NCAPG2: variants seen among roughly 807,000 people sequenced by gnomAD.
NCAPG2 encodes the protein condensin-2 complex subunit G2.
Under a neutral mutation model 141.1 loss-of-function variants are expected in NCAPG2, and 53 were observed. That is an observed-to-expected ratio of 0.38 (90% confidence interval 0.30 to 0.47). NCAPG2 has a LOEUF of 0.47. Ranked by LOEUF, NCAPG2 falls within the 20% of genes least tolerant of loss-of-function variation. The probability of loss-of-function intolerance (pLI) is 0.99; values close to 1 mark genes in which losing one functional copy is unlikely to be tolerated. For missense variants in NCAPG2, 1,087 were observed against 1,389.0 expected, an observed-to-expected ratio of 0.78 and a Z score of 3.46; for synonymous variants, 499 against 490.7, an observed-to-expected ratio of 1.02 and a Z score of -0.22.
intron 15 of NCAPG2, 55 bp downstream of exon 15, chr7:158,664,129 A>T: frequency 7.6e-7 from 1 of 1,315,322 alleles, no homozygotes; most frequent in Non-Finnish European, 1.1e-6. Flanking sequence ...ATAATGGCCC[A>T]TGGGAGTGAT....
In NCAPG2 at chr7:158,655,223, C is replaced by T. The variant is rs927616879; in HGVS notation, c.2541G>A (p.Leu847=). ...TTTCTAACCAAAAGCCAGTGTCTTC[C>T]AACATGGACAAATACACCTTTCCTT... ...CSEGKVYLSM[L]EDTGFWLESK... Residue 847 remains leucine (L), a synonymous_variant, in exon 21 of 28, where the codon TTG becomes TTA. Coordinates refer to ENST00000356309, the MANE Select transcript of NCAPG2 (RefSeq NM_017760.7). 1.1e-5 allele frequency: 17 copies of T among 1,613,834 alleles called. No homozygotes were observed. In the African/African-American group the frequency reaches 1.9e-4, roughly 18 times the overall value.
At chr7:158,702,793 A>C (rs1244232356) in intron 1 of NCAPG2, among the ~76,000 whole-genome samples, 1 of 152,180 alleles carries the variant, frequency 6.6e-6, no homozygotes, top group East Asian at 1.9e-4. Flanking sequence ...AAATTGAACA[A>C]AGCAAAAATA....
At chr7:158,688,593 C>T (rs1230864174) in intron 6 of NCAPG2, among the ~76,000 whole-genome samples, 1 of 152,222 alleles carries the variant, frequency 6.6e-6, no homozygotes, top group Non-Finnish European at 1.5e-5. Flanking sequence ...AAGGGCAGCC[C>T]TCCCCAGGGG....
At chr7:158,660,990 G>A (rs9769021) in intron 16 of NCAPG2, among the ~76,000 whole-genome samples, 4,155 of 152,214 alleles carry the variant, frequency 0.027, 179 homozygotes, top group African/African-American at 0.094. Context: ...TCATGACTGT[G>A]AGGCTTCCCC....
In NCAPG2 at chr7:158,671,535, G is replaced by A. The variant is rs1296042465; in HGVS notation, c.1458C>T (p.Ile486=). The change falls in exon 13 of 28, where the codon ATC becomes ATT. Residue 486 remains isoleucine (I), a synonymous_variant. Transcript: ENST00000356309. ...CTACCTTAGCAGCCCTCACAGCTTT[G>A]ATCTTCAACAGCATGTCCACAAAAG... ...RVAFVDMLLK[I]KAVRAAKFWK... is the part of the protein sequence containing the mutation. The A allele has an allele frequency of 6.2e-7, 1 of 1,614,158 alleles. No homozygotes were observed. Among genetic ancestry groups the A allele is most frequent in the Admixed American group, 1.7e-5 (1 of 60,020 alleles).
At chr7:158,685,091 CA>C (rs1265792945) in intron 8 of NCAPG2, among the ~76,000 whole-genome samples, 1 of 152,062 alleles carries the variant, frequency 6.6e-6, no homozygotes, top group Non-Finnish European at 1.5e-5. Flanking sequence ...ATTTTATTCT[CA>C]GAGAAAAATA....
rs1194423302 is a variant in NCAPG2, at chr7:158,654,713, G to C, written c.2647-19C>G. On this transcript the variant is annotated intron_variant, in intron 21 of 27. Transcript: ENST00000356309. ...GGTAGGTCTGTAAGAGACAGACACA[G>C]CTTAGCAACAAAGGCCATTTTTAAA... The C allele has an allele frequency of 1.9e-6, 3 of 1,602,270 alleles. No individual in the cohort carries two copies. The highest frequency in any genetic ancestry group is 2.7e-5 in the African/African-American group (2 of 74,338).
rs1829905523 is a variant in NCAPG2, at chr7:158,631,773, A to T, written c.3381-56T>A. On this transcript the variant is annotated intron_variant, in intron 27 of 27. Transcript: ENST00000356309. Reference sequence around the variant, plus strand: ...CAGAAAAAAGTGACCAAATTATCCAAATGTACATTTTCAAAAATATAATCT... The same window carrying T: ...CAGAAAAAAGTGACCAAATTATCCATATGTACATTTTCAAAAATATAATCT... 2.2e-6 allele frequency: 3 copies of T among 1,352,018 alleles called. No individual in the cohort carries two copies. In the Admixed American group the frequency reaches 5.8e-5, roughly 26 times the overall value. 83.8% of individuals were successfully genotyped at this position (1,352,018 alleles called of 1,614,324 possible).
chr7:158,684,211 T>C (rs1389476455), intron 8 of NCAPG2, among the ~76,000 whole-genome samples: 2 of 152,236 alleles, frequency 1.3e-5, no homozygotes, highest in Non-Finnish European at 2.9e-5. Flanking sequence ...AAAGATGAGA[T>C]ACACAGCACT....
At chr7:158,655,847 G>C (rs564229707) in intron 19 of NCAPG2, among the ~76,000 whole-genome samples, 1 of 89,546 alleles carries the variant, frequency 1.1e-5, no homozygotes, top group Non-Finnish European at 2.4e-5. Flanking sequence ...AAGAGATGAC[G>C]GCCTCCGTGG....
At position 158,667,272 on chromosome 7, in the gene NCAPG2, G is replaced by A. The variant is rs541208598; in HGVS notation, c.1480-2522C>T. 2.1e-5 allele frequency: 20 copies of A among 961,680 alleles called. No individual in the cohort carries two copies. In the East Asian group the frequency reaches 5.8e-4, roughly 28 times the overall value. 59.6% of individuals were successfully genotyped at this position (961,680 alleles called of 1,614,324 possible). ...TGGGCCAGAGACCCTGTGTCCCTCC[G>A]CCTCCCTCAGAGACCCTGTGTCCCT... is the stretch of plus-strand genomic sequence containing the variant. On this transcript the variant is annotated intron_variant, in intron 13 of 27. Coordinates refer to ENST00000356309, the MANE Select transcript of NCAPG2 (RefSeq NM_017760.7).
chr7:158,675,703 C>T (rs760349162), intron 11 of NCAPG2, 47 bp from the exon 12 acceptor site: 6 of 1,569,396 alleles, frequency 3.8e-6, no homozygotes, highest in Middle Eastern at 1.7e-4. Context: ...ACTTATTTCC[C>T]GAAATCCACA....
chr7:158,636,221 G>A (rs1365914053), intron 27 of NCAPG2, among the ~76,000 whole-genome samples: 1 of 151,928 alleles, frequency 6.6e-6, no homozygotes. Flanking sequence ...GAATTTCTCA[G>A]GTCTTTTCTT....
intron 23 of NCAPG2, among the ~76,000 whole-genome samples, chr7:158,651,176 G>C (rs1414089531): frequency 6.6e-6 from 1 of 152,096 alleles, no homozygotes; most frequent in East Asian, 1.9e-4. Context: ...GAAGATGATA[G>C]ACGGGACCAA....
chr7:158,644,778 C>A (rs911798999), intron 26 of NCAPG2, among the ~76,000 whole-genome samples: 1 of 152,178 alleles, frequency 6.6e-6, no homozygotes, highest in Non-Finnish European at 1.5e-5. Flanking sequence ...GATCTCAATG[C>A]AGGGGAGTCC....
chr7:158,697,532 C>T (rs1418903757), intron 2 of NCAPG2, among the ~76,000 whole-genome samples: 3 of 150,872 alleles, frequency 2.0e-5, no homozygotes, highest in East Asian at 1.9e-4. Context: ...ACCCGGGAGG[C>T]GGAGGTTGCA....
At chr7:158,653,375 A>AT (rs1327817550) in intron 22 of NCAPG2, among the ~76,000 whole-genome samples, 3 of 88,598 alleles carry the variant, frequency 3.4e-5, no homozygotes, top group Non-Finnish European at 5.0e-5. Context: ...AAAAAAAAAA[A>AT]AATAAAAAAA....
intron 27 of NCAPG2, among the ~76,000 whole-genome samples, chr7:158,632,122 T>C (rs936235280): frequency 6.6e-6 from 1 of 152,170 alleles, no homozygotes; most frequent in Non-Finnish European, 1.5e-5. Flanking sequence ...TCTACTACCA[T>C]GACATTTACC....
Position 158,655,318 on chromosome 7 carries a change from G to C in NCAPG2, c.2505+21C>G, listed in dbSNP as rs753469027. ...AAGAGCACTGTGTATCATCCTAATAGAGGGCCAGGAGCAGGCACACCTTGT... is the reference window on the plus strand; with the variant it reads ...AAGAGCACTGTGTATCATCCTAATACAGGGCCAGGAGCAGGCACACCTTGT... On this transcript the variant is annotated intron_variant, in intron 20 of 27. Transcript: ENST00000356309. The C allele has an allele frequency of 3.1e-6, 5 of 1,614,166 alleles. No individual in the cohort carries two copies. In the South Asian group the frequency reaches 4.4e-5, roughly 14 times the overall value.
Sources: allele counts gnomAD v4.1 joint callset (sites outside exome capture counted in the v4.1 genomes callset), GRCh38; gene constraint gnomAD v4.1.1; transcripts MANE v1.5; gene names NCBI Gene and HGNC (gene_info 2026-07-23, HGNC 2026-07-21).